Variants in SV2C observed in about 807,000 individuals in gnomAD.
SV2C encodes synaptic vesicle glycoprotein 2C.
A neutral mutation model predicts 79.7 loss-of-function variants in SV2C; 49 were observed. The observed-to-expected ratio is 0.61, with a 90% confidence interval of 0.49 to 0.78. SV2C has a LOEUF of 0.78. Ranked by LOEUF, SV2C falls within the 30% of genes least tolerant of loss-of-function variation. SV2C has a pLI of 0.00. For synonymous variants in SV2C, 334 were observed against 333.2 expected (o/e 1.00, Z -0.03); for missense variants, 833 against 912.9 (o/e 0.91, Z 1.13).
intron 1 of SV2C, among the ~76,000 whole-genome samples, chr5:76,127,549 T>C (rs905945713): frequency 4.6e-5 from 7 of 152,212 alleles, no homozygotes; most frequent in African/African-American, 1.7e-4. Context: ...GTAGGGCATC[T>C]AAACAAATAT....
the SV2C span, among the ~76,000 whole-genome samples, chr5:76,076,400 C>T: frequency 6.6e-6 from 1 of 152,196 alleles, no homozygotes; most frequent in Admixed American, 6.5e-5. Context: ...ACCAATAGTT[C>T]TAACTATTGA....
the SV2C span, among the ~76,000 whole-genome samples, chr5:75,938,583 C>T: frequency 2.0e-5 from 3 of 152,144 alleles, no homozygotes; most frequent in South Asian, 2.1e-4. Context: ...ATATAAAGTT[C>T]GAAAAACAGG....
intron 1 of SV2C, among the ~76,000 whole-genome samples, chr5:76,089,569 G>T (rs572964996): frequency 7.7e-4 from 118 of 152,296 alleles, no homozygotes; most frequent in African/African-American, 2.8e-3. Flanking sequence ...AGGTCCAATG[G>T]TATTTCTGGT....
At chr5:76,076,546 T>C in the SV2C span, among the ~76,000 whole-genome samples, 6 of 152,304 alleles carry the variant, frequency 3.9e-5, no homozygotes, top group South Asian at 1.2e-3. Context: ...CTTTCATTTA[T>C]TTATGTGATT....
At chr5:76,313,865 C>T (rs1489315959) in intron 12 of SV2C, among the ~76,000 whole-genome samples, 1 of 152,142 alleles carries the variant, frequency 6.6e-6, no homozygotes. Flanking sequence ...AAATCATCTC[C>T]GTGGTCATTA....
At chr5:76,266,355 G>T (rs948944132) in intron 4 of SV2C, among the ~76,000 whole-genome samples, 3 of 152,006 alleles carry the variant, frequency 2.0e-5, no homozygotes, top group Non-Finnish European at 2.9e-5. Flanking sequence ...CTACAAGCAC[G>T]TGCCACCACG....
chr5:75,911,083 A>G, the SV2C span: 1 of 1,371,154 alleles, frequency 7.3e-7, no homozygotes, highest in Non-Finnish European at 1.0e-6. Context: ...AACCTGATGC[A>G]GCCCGGGGGA....
At chr5:76,179,074 C>T (rs1743635211) in intron 2 of SV2C, among the ~76,000 whole-genome samples, 1 of 152,176 alleles carries the variant, frequency 6.6e-6, no homozygotes, top group Non-Finnish European at 1.5e-5. Flanking sequence ...AGGACTGATG[C>T]TTATGAAATG....
At chr5:76,039,812 G>T in the SV2C span, among the ~76,000 whole-genome samples, 1 of 151,750 alleles carries the variant, frequency 6.6e-6, no homozygotes. Context: ...TCTAAAGAGT[G>T]GTAACTACTT....
chr5:76,088,791 C>T (rs1747281975), intron 1 of SV2C, among the ~76,000 whole-genome samples: 1 of 151,750 alleles, frequency 6.6e-6, no homozygotes, highest in African/African-American at 2.4e-5. Context: ...TTACAATTTC[C>T]TTTTTTTTAA....
the SV2C span, among the ~76,000 whole-genome samples, chr5:75,946,430 A>G: frequency 1.3e-5 from 2 of 152,112 alleles, no homozygotes; most frequent in East Asian, 3.9e-4. Context: ...ATGGGTTTAC[A>G]TGACTATCTG....
chr5:76,052,238 G>A, the SV2C span, among the ~76,000 whole-genome samples: 15 of 152,268 alleles, frequency 9.9e-5, no homozygotes, highest in African/African-American at 3.1e-4. Flanking sequence ...TAGAGTTTCA[G>A]TTATATTATT....
the SV2C span, chr5:75,911,703 TGGAGAGG>T: frequency 4.5e-6 from 3 of 661,018 alleles, no homozygotes; most frequent in South Asian, 4.1e-5. Context: ...CTTCAGAGCC[TGGAGAGG>T]CAAAGAAGAT....
intron 4 of SV2C, among the ~76,000 whole-genome samples, chr5:76,239,401 A>G (rs1417691637): frequency 6.6e-6 from 1 of 151,964 alleles, no homozygotes. Context: ...TCACTCCAAA[A>G]CTCCGTGGCT....
chr5:75,896,521 C>T, the SV2C span, among the ~76,000 whole-genome samples: 3 of 151,866 alleles, frequency 2.0e-5, no homozygotes, highest in East Asian at 1.9e-4. Flanking sequence ...CTGCAATAAA[C>T]ATACGTGTGC....
chr5:76,139,700 T>TGGAC (rs1234211822), intron 2 of SV2C, among the ~76,000 whole-genome samples: 94 of 152,272 alleles, frequency 6.2e-4, no homozygotes, highest in African/African-American at 2.1e-3. Context: ...GATACTAGGT[T>TGGAC]TTCTTTAAAA....
the SV2C span, among the ~76,000 whole-genome samples, chr5:75,958,019 A>G: frequency 6.6e-6 from 1 of 152,110 alleles, no homozygotes; most frequent in African/African-American, 2.4e-5. Context: ...AGGATACTCT[A>G]AAATAGGTTC....
chr5:75,935,348 G>A, the SV2C span, among the ~76,000 whole-genome samples: 1 of 152,056 alleles, frequency 6.6e-6, no homozygotes, highest in South Asian at 2.1e-4. Context: ...CTTATATATT[G>A]AGGTAGGAGG....
chr5:76,166,172 T>C (rs1366876935), intron 2 of SV2C, among the ~76,000 whole-genome samples: 1 of 152,200 alleles, frequency 6.6e-6, no homozygotes. Context: ...TACCCCGTGG[T>C]CAAAAGTTTT....
Sources: gnomAD v4.1 joint callset for allele counts (sites outside exome capture counted in the v4.1 genomes callset) on GRCh38, gnomAD v4.1.1 for gene constraint, MANE v1.5 for transcripts, NCBI Gene and HGNC (gene_info 2026-07-23, HGNC 2026-07-21) for gene names.